The following FRMPD4 variants were observed in gnomAD, a reference collection of about 807,000 sequenced individuals.
FRMPD4 encodes the protein FERM and PDZ domain containing 4.
FRMPD4 carries 22 observed loss-of-function variants against 94.1 expected under a neutral mutation model. That is an observed-to-expected ratio of 0.23 (90% CI 0.17 to 0.33). The LOEUF (loss-of-function observed/expected upper bound fraction) is 0.33, where lower values mean the gene tolerates loss of function less well. Ranked by LOEUF, FRMPD4 falls within the 10% of genes least tolerant of loss-of-function variation. The pLI, the probability that FRMPD4 is intolerant of heterozygous loss-of-function variation, is 1.00. For missense variants in FRMPD4, 1,111 were observed against 1,339.9 expected (o/e 0.83, Z 2.67); for synonymous variants, 631 against 548.6 (o/e 1.15, Z -2.10).
intron 1 of FRMPD4, among the ~76,000 whole-genome samples, chrX:12,175,954 G>T (rs753884505): frequency 8.9e-6 from 1 of 112,325 alleles, no homozygotes; most frequent in African/African-American, 3.2e-5. Flanking sequence ...AGATGCCTTT[G>T]TCCCACCTGG....
chrX:12,451,910 G>A (rs2057276897), intron 1 of FRMPD4, among the ~76,000 whole-genome samples: 1 of 109,721 alleles, frequency 9.1e-6, no homozygotes, highest in South Asian at 3.9e-4. Context: ...TTTATCTCTA[G>A]CAGCTCTATT....
chrX:12,700,685 T>G (rs1271005118), intron 9 of FRMPD4, among the ~76,000 whole-genome samples: 4 of 111,571 alleles, frequency 3.6e-5, no homozygotes, highest in African/African-American at 1.3e-4. Context: ...AACAGAGGAG[T>G]TCAATAGCTC....
chrX:12,454,813 A>T (rs1479565550), intron 1 of FRMPD4, among the ~76,000 whole-genome samples: 1 of 56,712 alleles, frequency 1.8e-5, no homozygotes, highest in Non-Finnish European at 3.9e-5. Flanking sequence ...TTAGAAAGCC[A>T]CGTTTTTTTT....
chrX:11,922,508 G>C (rs1398913171), intron 3 of FRMPD4, among the ~76,000 whole-genome samples: 1 of 111,876 alleles, frequency 8.9e-6, no homozygotes, highest in Non-Finnish European at 1.9e-5. Context: ...ACAGAAGCTG[G>C]GCTGAAGGGA....
chrX:12,158,143 G>T (rs1450911991), intron 1 of FRMPD4, among the ~76,000 whole-genome samples: 1 of 111,824 alleles, frequency 8.9e-6, no homozygotes, highest in African/African-American at 3.3e-5. Context: ...CATCTGCAGA[G>T]ATTTGACTCC....
intron 2 of FRMPD4, among the ~76,000 whole-genome samples, chrX:12,509,216 C>T (rs975708833): frequency 8.1e-5 from 9 of 110,827 alleles, no homozygotes. Context: ...ACCATTTGAT[C>T]CAGCAATCCC....
chrX:12,101,886 C>T (rs1253344352), intron 3 of FRMPD4, among the ~76,000 whole-genome samples: 1 of 111,968 alleles, frequency 8.9e-6, no homozygotes, highest in Non-Finnish European at 1.9e-5. Context: ...ATCTACTTAT[C>T]TATATCTCCA....
At chrX:12,389,330 C>G (rs948282149) in intron 1 of FRMPD4, among the ~76,000 whole-genome samples, 2 of 109,528 alleles carry the variant, frequency 1.8e-5, no homozygotes, top group Non-Finnish European at 3.8e-5. Context: ...GAAAAATTAG[C>G]CAGGCGTGAT....
intron 4 of FRMPD4, among the ~76,000 whole-genome samples, chrX:12,639,504 G>C (rs2059474021): frequency 8.9e-6 from 1 of 112,091 alleles, no homozygotes; most frequent in Non-Finnish European, 1.9e-5. Context: ...CCCCTTGAAA[G>C]TGAATAGCAG....
intron 3 of FRMPD4, among the ~76,000 whole-genome samples, chrX:12,032,763 T>C (rs1367416205): frequency 8.9e-6 from 1 of 112,093 alleles, no homozygotes; most frequent in Non-Finnish European, 1.9e-5. Context: ...AATAAATAAG[T>C]ACTTAACATG....
rs367572048 is a variant in FRMPD4, at chrX:12,472,856, C to T, written c.42-25824C>T. On this transcript the variant is annotated intron_variant, in intron 1 of 16. Coordinates refer to ENST00000675598, the MANE Select transcript of FRMPD4 (RefSeq NM_001368397.1). ...GTCTGATTGGTGTACCTGAAAGTGA[C>T]GGGGAGAATGGAACCAAGTTGGAAA... Among the ~76,000 whole-genome samples, 941 of 101,855 alleles carry T rather than the reference C, an allele frequency of 9.2e-3. 17 individuals carry two copies. Among genetic ancestry groups the T allele is most frequent in the African/African-American group, 0.035 (883 of 25,541 alleles). 88.4% of individuals were successfully genotyped at this position (101,855 alleles called of 115,157 possible). A position where few individuals can be genotyped will look rare whatever the true frequency, so the allele number is the denominator to read the frequency against.
chrX:12,138,871 C>T lies in FRMPD4; in HGVS notation c.-101C>T. 3 of 666,389 alleles carry T rather than the reference C, an allele frequency of 4.5e-6. No individual in the cohort carries two copies. Among genetic ancestry groups the T allele is most frequent in the Non-Finnish European group, 6.3e-6 (3 of 475,537 alleles). The allele number at this position is 666,389 out of a possible 1,213,427, so 54.9% of individuals were successfully genotyped here. On this transcript the variant is annotated 5_prime_UTR_variant, in exon 1 of 17. Coordinates refer to ENST00000675598, the MANE Select transcript of FRMPD4 (RefSeq NM_001368397.1). ...CCCGCTGTCGCCGCGACTCGAGCCC[C>T]GGGCGCACTGAGGTCTTGGCCATGG...
intron 3 of FRMPD4, among the ~76,000 whole-genome samples, chrX:11,977,947 G>C (rs754397388): frequency 2.7e-5 from 3 of 110,531 alleles, no homozygotes; most frequent in Admixed American, 9.6e-5. Context: ...ATTCTGTGTT[G>C]ATGTTAATGC....
chrX:12,554,982 C>G (rs764352292), intron 2 of FRMPD4, among the ~76,000 whole-genome samples: 1 of 111,417 alleles, frequency 9.0e-6, no homozygotes, highest in African/African-American at 3.3e-5. Flanking sequence ...GCCGTAGGTC[C>G]CAACCCATCT....
chrX:11,989,452 TAG>T lies in FRMPD4; in HGVS notation c.95+111439_95+111440del, dbSNP rs776208530. Among the ~76,000 whole-genome samples the T allele has an allele frequency of 1.3e-4, 14 of 105,142 alleles. No homozygotes were observed. The South Asian group carries it at 5.7e-3, about 43-fold the overall frequency. The allele number at this position is 105,142 out of a possible 115,157, so 91.3% of individuals were successfully genotyped here. ...ATTAAAACAATTGAATTCATGGAGATAGAGAGTAGAAGGATGGTTACCAGAGG... is the reference window on the plus strand; with the variant it reads ...ATTAAAACAATTGAATTCATGGAGATAGAGTAGAAGGATGGTTACCAGAGG... On this transcript the variant is annotated intron_variant, in intron 3 of 18. Transcript: ENST00000640291.
At chrX:12,097,085 G>C in intron 3 of FRMPD4, among the ~76,000 whole-genome samples, 1 of 112,077 alleles carries the variant, frequency 8.9e-6, no homozygotes, top group African/African-American at 3.2e-5. Context: ...TACTGAAATG[G>C]AGGATTATCC....
chrX:12,216,424 G>A (rs749003900), intron 1 of FRMPD4, among the ~76,000 whole-genome samples: 23 of 111,589 alleles, frequency 2.1e-4, no homozygotes, highest in Non-Finnish European at 4.1e-4. Context: ...CAGAAATCAC[G>A]CACCAACTAC....
chrX:11,839,243 T>G (rs1247348570), intron 1 of FRMPD4, among the ~76,000 whole-genome samples: 1 of 112,038 alleles, frequency 8.9e-6, no homozygotes, highest in Non-Finnish European at 1.9e-5. Flanking sequence ...TTCTAGTTTC[T>G]CCAAATCCTT....
chrX:11,850,745 T>A (rs999103472), intron 1 of FRMPD4, among the ~76,000 whole-genome samples: 3 of 112,161 alleles, frequency 2.7e-5, no homozygotes, highest in African/African-American at 9.7e-5. Context: ...GGTAAGTACT[T>A]ACAGTAGTCA....
Sources: gnomAD v4.1 joint callset for allele counts (sites outside exome capture counted in the v4.1 genomes callset) on GRCh38, gnomAD v4.1.1 for gene constraint, MANE v1.5 for transcripts, NCBI Gene and HGNC (gene_info 2026-07-23, HGNC 2026-07-21) for gene names.